The following METTL15 variants were observed in gnomAD, a reference collection of about 807,000 sequenced individuals.
METTL15 encodes the protein 12S rRNA N(4)-cytidine methyltransferase METTL15.
Under a neutral mutation model 38.3 loss-of-function variants are expected in METTL15, and 34 were observed. The ratio of observed to expected loss-of-function variants is 0.89; its 90% CI spans 0.68 to 1.18. The LOEUF (loss-of-function observed/expected upper bound fraction) is 1.18. Among genes scored for constraint, METTL15 ranks in the 50% most tolerant of loss-of-function variants. The pLI, the probability that METTL15 is intolerant of heterozygous loss-of-function variation, is 0.00. For synonymous variants in METTL15, 162 were observed against 170.9 expected (o/e 0.95, Z 0.41); for missense variants, 438 against 498.4 (o/e 0.88, Z 1.15).
At chr11:28,390,331 A>C (rs1432355350) in intron 5 of METTL15, among the ~76,000 whole-genome samples, 1 of 151,208 alleles carries the variant, frequency 6.6e-6, no homozygotes, top group African/African-American at 2.4e-5. Context: ...GGTAATGCCT[A>C]GGTTTTCTTC....
chr11:28,273,230 T>C (rs1855715061), intron 4 of METTL15, among the ~76,000 whole-genome samples: 1 of 152,166 alleles, frequency 6.6e-6, no homozygotes, highest in Non-Finnish European at 1.5e-5. Context: ...AGACTGATTT[T>C]CTTAAAGATC....
At chr11:28,439,779 ATTG>A (rs1448460140) in intron 6 of METTL15, among the ~76,000 whole-genome samples, 1 of 152,184 alleles carries the variant, frequency 6.6e-6, no homozygotes, top group African/African-American at 2.4e-5. Context: ...GAGGGATTTA[ATTG>A]TTAAGTACTT....
At chr11:28,458,413 C>T (rs1186589938) in intron 6 of METTL15, among the ~76,000 whole-genome samples, 1 of 152,102 alleles carries the variant, frequency 6.6e-6, no homozygotes, top group Non-Finnish European at 1.5e-5. Context: ...CTTAGATATC[C>T]ATAAAACTTG....
At chr11:28,410,677 G>A (rs1310889463) in intron 5 of METTL15, 1 of 151,970 alleles carries the variant, frequency 6.6e-6, no homozygotes, top group Non-Finnish European at 1.5e-5. Context: ...AATCAACAGG[G>A]AAAAATGGAA....
chr11:28,287,415 C>A (rs548574730), intron 4 of METTL15: 1 of 414,318 alleles, frequency 2.4e-6, no homozygotes, highest in Non-Finnish European at 4.8e-6. Context: ...TCACTCCACA[C>A]TTGTTTAGCC....
chr11:28,409,249 A>G (rs150591492), intron 5 of METTL15, among the ~76,000 whole-genome samples: 2,712 of 151,650 alleles, frequency 0.018, 52 homozygotes, highest in African/African-American at 0.051. Context: ...TGGCGGGGTG[A>G]CAGGCGCCTG....
chr11:28,187,736 G>T (rs977750877), intron 3 of METTL15, among the ~76,000 whole-genome samples: 58 of 150,982 alleles, frequency 3.8e-4, no homozygotes, highest in African/African-American at 1.4e-3. Flanking sequence ...TTTATATTGG[G>T]CAGGCTGGAT....
intron 6 of METTL15, among the ~76,000 whole-genome samples, chr11:28,471,241 G>C (rs1054682365): frequency 6.6e-6 from 1 of 152,042 alleles, no homozygotes; most frequent in African/African-American, 2.4e-5. Flanking sequence ...CAAGACTTCT[G>C]ACCCAGCCTC....
intron 5 of METTL15, among the ~76,000 whole-genome samples, chr11:28,408,220 C>T (rs539641530): frequency 6.6e-6 from 1 of 152,162 alleles, no homozygotes; most frequent in East Asian, 1.9e-4. Flanking sequence ...CTTAATACTT[C>T]GGTGATGAGT....
chr11:28,216,480 G>T (rs1228743395), intron 4 of METTL15, among the ~76,000 whole-genome samples: 1 of 152,078 alleles, frequency 6.6e-6, no homozygotes, highest in African/African-American at 2.4e-5. Flanking sequence ...CTTCTAGATG[G>T]TGTGAAAAAA....
At chr11:28,375,799 T>C (rs201045566) in intron 5 of METTL15, among the ~76,000 whole-genome samples, 2 of 151,752 alleles carry the variant, frequency 1.3e-5, no homozygotes, top group African/African-American at 2.4e-5. Context: ...CTCTTGTGGG[T>C]ATTTAGTGCT....
intron 6 of METTL15, among the ~76,000 whole-genome samples, chr11:28,459,837 C>T (rs958784030): frequency 3.9e-5 from 6 of 152,088 alleles, no homozygotes; most frequent in Non-Finnish European, 8.8e-5. Flanking sequence ...TTGGTGTCCA[C>T]AGCGGTTTTA....
chr11:28,353,927 G>A (rs1850066706), intron 4 of METTL15, among the ~76,000 whole-genome samples: 1 of 120,218 alleles, frequency 8.3e-6, no homozygotes. Flanking sequence ...GCGAGACTCC[G>A]TCTCAAAAAA....
At chr11:28,275,633 CAA>C (rs1855812126) in intron 4 of METTL15, among the ~76,000 whole-genome samples, 1 of 105,412 alleles carries the variant, frequency 9.5e-6, no homozygotes, top group Admixed American at 9.1e-5. Context: ...CAAAACCAGA[CAA>C]AGATACCAAA....
intron 3 of METTL15, among the ~76,000 whole-genome samples, chr11:28,125,306 A>G (rs1448261536): frequency 2.0e-5 from 3 of 152,118 alleles, no homozygotes; most frequent in African/African-American, 7.2e-5. Flanking sequence ...GGGATATATC[A>G]GTTTTGTTTA....
intron 4 of METTL15, among the ~76,000 whole-genome samples, chr11:28,288,690 A>G (rs558230609): frequency 6.6e-6 from 1 of 152,230 alleles, no homozygotes; most frequent in Non-Finnish European, 1.5e-5. Context: ...GAAGGAGAGG[A>G]TCAGGAAAAA....
chr11:28,430,231 G>A (rs1223974318), intron 6 of METTL15, among the ~76,000 whole-genome samples: 3 of 150,720 alleles, frequency 2.0e-5, no homozygotes, highest in African/African-American at 7.3e-5. Flanking sequence ...GAGGTGGGGG[G>A]GGTCAGCCCC....
intron 4 of METTL15, among the ~76,000 whole-genome samples, chr11:28,229,633 C>G (rs181953077): frequency 6.6e-6 from 1 of 152,068 alleles, no homozygotes; most frequent in Admixed American, 6.6e-5. Flanking sequence ...GCAAGAGGCT[C>G]CCTTTTAAGC....
chr11:28,219,983 A>G (rs956152721), intron 4 of METTL15, among the ~76,000 whole-genome samples: 2 of 152,144 alleles, frequency 1.3e-5, no homozygotes, highest in Non-Finnish European at 2.9e-5. Context: ...ATTTCCAACT[A>G]TGTGGTCAAT....
Sources: allele counts gnomAD v4.1 joint callset (sites outside exome capture counted in the v4.1 genomes callset), GRCh38; gene constraint gnomAD v4.1.1; transcripts MANE v1.5; gene names NCBI Gene and HGNC (gene_info 2026-07-23, HGNC 2026-07-21).